SH3PXD2A: variants seen among roughly 807,000 people sequenced by gnomAD.
SH3PXD2A encodes SH3 and PX domain-containing protein 2A.
Under a neutral mutation model 115.2 loss-of-function variants are expected in SH3PXD2A, and 32 were observed. The observed-to-expected ratio is 0.28, with a 90% CI of 0.21 to 0.37. SH3PXD2A has a LOEUF of 0.37. Ranked by LOEUF, SH3PXD2A falls within the 10% of genes least tolerant of loss-of-function variation. The pLI is 1.00. For synonymous variants in SH3PXD2A, 610 were observed against 629.1 expected, an observed-to-expected ratio of 0.97 and a Z score of 0.45; for missense variants, 1,328 against 1,498.7, an observed-to-expected ratio of 0.89 and a Z score of 1.88.
At chr10:103,740,038 T>G (rs1003268568) in intron 3 of SH3PXD2A, among the ~76,000 whole-genome samples, 1 of 152,126 alleles carries the variant, frequency 6.6e-6, no homozygotes, top group African/African-American at 2.4e-5. Context: ...GCCCTAAGAT[T>G]GATTGACAGT....
chr10:103,765,990 C>T (rs1444875446), intron 3 of SH3PXD2A, among the ~76,000 whole-genome samples: 1 of 152,222 alleles, frequency 6.6e-6, no homozygotes, highest in Non-Finnish European at 1.5e-5. Context: ...TTCCTTGTAG[C>T]TAAACTAATT....
chr10:103,739,674 T>C (rs1333044323), intron 3 of SH3PXD2A, among the ~76,000 whole-genome samples: 1 of 152,212 alleles, frequency 6.6e-6, no homozygotes, highest in Non-Finnish European at 1.5e-5. Flanking sequence ...GCTCAGCTTC[T>C]GCCAGAGTCT....
rs529646181 is a variant in SH3PXD2A, at chr10:103,692,931, C to T, written c.427+97G>A. 1.9e-4 allele frequency: 192 copies of T among 986,946 alleles called. 1 individual carries two copies. The African/African-American group carries it at 2.2e-3, about 11-fold the overall frequency. 61.1% of individuals were successfully genotyped at this position (986,946 alleles called of 1,614,324 possible). A position where few individuals can be genotyped will look rare whatever the true frequency, so the allele number is the denominator to read the frequency against. On this transcript the variant is annotated intron_variant, in intron 6 of 14. Coordinates refer to ENST00000369774, the MANE Select transcript of SH3PXD2A (RefSeq NM_001394015.1). ...AGGCTGGCGTGCAAGGACAACCCCC[C>T]CCTCCCCGCCCCCAAGAAGTCCTCT...
intron 8 of SH3PXD2A, among the ~76,000 whole-genome samples, chr10:103,628,510 A>G (rs2036731572): frequency 6.6e-6 from 1 of 150,996 alleles, no homozygotes. Flanking sequence ...TCCTATCTGG[A>G]GAGGGGTTAC....
chr10:103,614,605 G>T (rs954091189), intron 11 of SH3PXD2A, among the ~76,000 whole-genome samples: 4 of 152,152 alleles, frequency 2.6e-5, no homozygotes, highest in Non-Finnish European at 5.9e-5. Context: ...TCGTGGTGTT[G>T]AGTTTTCACC....
chr10:103,761,485 C>G (rs889110294), intron 3 of SH3PXD2A, among the ~76,000 whole-genome samples: 2 of 152,118 alleles, frequency 1.3e-5, no homozygotes, highest in Admixed American at 6.5e-5. Context: ...ACTCTGAAAG[C>G]CTTGGGACTA....
In SH3PXD2A at chr10:103,832,380, A is replaced by AG. The variant is rs954084736; in HGVS notation, c.72+22814_72+22815insC. ...AGTAGAACCTAAAAAGAAAAAAAAA[A>AG]AAAAGAAAAGAAAACAAGGTTCAAC... On this transcript the variant is annotated intron_variant, in intron 1 of 14. Transcript: ENST00000369774. Among the ~76,000 whole-genome samples the AG allele has an allele frequency of 8.6e-5, 13 of 151,894 alleles. No homozygotes were observed. The Middle Eastern group carries it at 0.01, about 119-fold the overall frequency.
At chr10:103,841,888 G>A (rs1168679296) in intron 1 of SH3PXD2A, among the ~76,000 whole-genome samples, 1 of 152,152 alleles carries the variant, frequency 6.6e-6, no homozygotes, top group Non-Finnish European at 1.5e-5. Flanking sequence ...ACTCTGGGAG[G>A]CCGAGACGGG....
At chr10:103,720,501 T>C (rs2038169161) in intron 5 of SH3PXD2A, among the ~76,000 whole-genome samples, 1 of 152,128 alleles carries the variant, frequency 6.6e-6, no homozygotes, top group South Asian at 2.1e-4. Flanking sequence ...CTCTGGAAGA[T>C]GGAAAGGGAA....
In SH3PXD2A at chr10:103,613,023, G is replaced by A; in HGVS notation, c.1088C>T (p.Pro363Leu). The A allele has an allele frequency of 1.2e-6, 2 of 1,614,240 alleles. No homozygotes were observed. Among genetic ancestry groups the A allele is most frequent in the South Asian group, 2.2e-5 (2 of 91,084 alleles). The change falls in exon 12 of 15, where the codon CCA becomes CTA. Residue 363 changes from proline to leucine, a missense_variant. Pro to Leu is a moderately conservative substitution (Grantham distance 98). This residue lies in a region of SH3PXD2A where 509 missense variants were observed against 628.3 expected (regional missense o/e 0.81). Coordinates refer to ENST00000369774, the MANE Select transcript of SH3PXD2A (RefSeq NM_001394015.1). ...KKASGDKETP[P>L]AEGEGHEAPI... ...GGCCTCATGGCCCTCGCCTTCGGCT[G>A]GTGGAGTTTCCTTGTCCCCAGACGC...
At chr10:103,705,050 C>G (rs2037965078) in intron 5 of SH3PXD2A, among the ~76,000 whole-genome samples, 1 of 152,156 alleles carries the variant, frequency 6.6e-6, no homozygotes, top group African/African-American at 2.4e-5. Context: ...ATGCTCCCAG[C>G]CTTCTCCAGC....
chr10:103,621,502 C>A (rs886348348), intron 10 of SH3PXD2A, among the ~76,000 whole-genome samples: 2 of 152,096 alleles, frequency 1.3e-5, no homozygotes. Flanking sequence ...GGGCAGACAC[C>A]AAAACATGCT....
chr10:103,828,381 T>A (rs3814217), intron 1 of SH3PXD2A, among the ~76,000 whole-genome samples: 14,604 of 152,176 alleles, frequency 0.096, 1,211 homozygotes, highest in East Asian at 0.44. Flanking sequence ...CTCATTAAAG[T>A]AAGCAGCTCA....
At chr10:103,610,360 A>T (rs1282117952) in intron 13 of SH3PXD2A, among the ~76,000 whole-genome samples, 1 of 152,256 alleles carries the variant, frequency 6.6e-6, no homozygotes, top group Non-Finnish European at 1.5e-5. Context: ...TGTGGAAGGA[A>T]TTACCCCATT....
At position 103,780,403 on chromosome 10, in the gene SH3PXD2A, G is replaced by A. The variant is rs368805099; in HGVS notation, c.154-13234C>T. Among the ~76,000 whole-genome samples the A allele has an allele frequency of 6.0e-4, 91 of 152,336 alleles. 1 individual carries two copies. The South Asian group carries it at 0.018, about 30-fold the overall frequency. ...CCAAAGTCTTGTCAAAAGGAAAAGC[G>A]AAAGAGTAGGCTACTGCAGAAGGCT... On this transcript the variant is annotated intron_variant, in intron 2 of 14. Coordinates refer to ENST00000369774, the MANE Select transcript of SH3PXD2A (RefSeq NM_001394015.1).
chr10:103,643,505 T>C (rs1335614977), intron 8 of SH3PXD2A, among the ~76,000 whole-genome samples: 2 of 152,140 alleles, frequency 1.3e-5, no homozygotes, highest in African/African-American at 4.8e-5. Flanking sequence ...GAAAAACACA[T>C]ACAATGAAAC....
At chr10:103,631,571 T>C (rs1391277168) in intron 8 of SH3PXD2A, among the ~76,000 whole-genome samples, 3 of 152,114 alleles carry the variant, frequency 2.0e-5, no homozygotes, top group Admixed American at 6.6e-5. Flanking sequence ...AGGATCATGA[T>C]TGAAGGTCCC....
At position 103,603,570 on chromosome 10, in the gene SH3PXD2A, TC is replaced by T; in HGVS notation, c.1647del (p.Lys550SerfsTer22). On this transcript the variant is annotated frameshift_variant, in exon 15 of 15. Transcript: ENST00000369774. LOFTEE classifies it high-confidence loss of function. ...TGASESQDSP[R>X]KLKYEEPEYD... ...TACTCAGGCTCCTCATACTTGAGCT[TC>T]CGCGGGGAGTCCTGGCTCTCACTGG... 6.2e-7 allele frequency: 1 copy of T among 1,611,568 alleles called. No homozygotes were observed. Among genetic ancestry groups the T allele is most frequent in the Non-Finnish European group, 8.5e-7 (1 of 1,178,710 alleles).
chr10:103,636,229 A>C (rs1399751398), intron 8 of SH3PXD2A, among the ~76,000 whole-genome samples: 1 of 152,108 alleles, frequency 6.6e-6, no homozygotes, highest in African/African-American at 2.4e-5. Context: ...CAACATAGTG[A>C]AACCCCGTCT....
Sources: gnomAD v4.1 joint callset for allele counts (sites outside exome capture counted in the v4.1 genomes callset) on GRCh38, gnomAD v4.1.1 for gene constraint, gnomAD v4.1.1 regional missense constraint, MANE v1.5 for transcripts, NCBI Gene and HGNC (gene_info 2026-07-23, HGNC 2026-07-21) for gene names.